Variants in ANO2 observed in about 807,000 individuals in gnomAD.
ANO2 encodes anoctamin 2.
In ANO2, 101 loss-of-function variants were observed where a neutral mutation model predicts 124.2. The ratio of observed to expected loss-of-function variants is 0.81; its 90% CI spans 0.69 to 0.96. The LOEUF (loss-of-function observed/expected upper bound fraction) is 0.96, where lower values mean the gene tolerates loss of function less well. Among genes scored for constraint, ANO2 ranks in the 40% least tolerant of loss-of-function variants. The probability of loss-of-function intolerance (pLI) is 0.00; values close to 1 mark genes in which losing one functional copy is unlikely to be tolerated. For synonymous variants in ANO2, 486 were observed against 482.5 expected (o/e 1.01, Z -0.09); for missense variants, 1,293 against 1,274.5 (o/e 1.01, Z -0.22).
intron 14 of ANO2, among the ~76,000 whole-genome samples, chr12:5,696,774 G>A (rs182047999): frequency 1.4e-3 from 208 of 152,216 alleles, no homozygotes; most frequent in Non-Finnish European, 2.5e-3. Flanking sequence ...AGTACATAAC[G>A]ACCAAGTTGG....
intron 12 of ANO2, chr12:5,740,157 C>T (rs1951040792): frequency 2.8e-6 from 1 of 352,214 alleles, no homozygotes; most frequent in East Asian, 7.6e-5. Flanking sequence ...TTTGTTATAC[C>T]AGGGCTGAAC....
At chr12:5,740,618 G>T (rs907968097) in intron 12 of ANO2, among the ~76,000 whole-genome samples, 1 of 152,132 alleles carries the variant, frequency 6.6e-6, no homozygotes, top group Non-Finnish European at 1.5e-5. Flanking sequence ...AGATGAAAAA[G>T]CTGTGGGCCT....
chr12:5,624,735 G>A (rs893107972), intron 16 of ANO2, among the ~76,000 whole-genome samples: 14 of 152,146 alleles, frequency 9.2e-5, no homozygotes, highest in Non-Finnish European at 7.4e-5. Context: ...AGTCTAGAAG[G>A]GTGAGGGCGA....
intron 14 of ANO2, among the ~76,000 whole-genome samples, chr12:5,671,518 T>A (rs1419554357): frequency 6.6e-6 from 1 of 151,454 alleles, no homozygotes; most frequent in East Asian, 1.9e-4. Context: ...GAGTGGCGTG[T>A]GTGTGTGAGT....
At chr12:5,582,709 G>T (rs1015431634) in intron 20 of ANO2, among the ~76,000 whole-genome samples, 2 of 152,144 alleles carry the variant, frequency 1.3e-5, no homozygotes, top group African/African-American at 4.8e-5. Context: ...GATCAACTCC[G>T]CCTGCCTTCC....
At chr12:5,831,063 G>A (rs986942014) in intron 5 of ANO2, among the ~76,000 whole-genome samples, 3 of 152,182 alleles carry the variant, frequency 2.0e-5, no homozygotes, top group Non-Finnish European at 4.4e-5. Flanking sequence ...GGCTGGGTCT[G>A]TTTTTAACTT....
intron 13 of ANO2, among the ~76,000 whole-genome samples, chr12:5,734,805 G>C (rs959774945): frequency 3.3e-5 from 5 of 152,004 alleles, no homozygotes; most frequent in African/African-American, 1.2e-4. Context: ...ATGCCACCAG[G>C]CCCAGCTGAT....
At chr12:5,878,207 G>A (rs1591730099) in intron 3 of ANO2, among the ~76,000 whole-genome samples, 1 of 152,230 alleles carries the variant, frequency 6.6e-6, no homozygotes, top group Admixed American at 6.5e-5. Context: ...ACCAGATTGT[G>A]CGTGATGTAT....
chr12:5,744,813 T>A (rs569985889), intron 11 of ANO2, among the ~76,000 whole-genome samples: 2 of 152,244 alleles, frequency 1.3e-5, no homozygotes, highest in African/African-American at 2.4e-5. Flanking sequence ...CTGTGCATGC[T>A]CTCACCTCCA....
At chr12:5,663,091 C>A (rs1947529325) in intron 14 of ANO2, among the ~76,000 whole-genome samples, 1 of 152,216 alleles carries the variant, frequency 6.6e-6, no homozygotes, top group Non-Finnish European at 1.5e-5. Context: ...TCCTGCGTGG[C>A]CTGCAGGCGA....
At chr12:5,830,078 A>C (rs780124584) in intron 6 of ANO2, among the ~76,000 whole-genome samples, 2 of 152,168 alleles carry the variant, frequency 1.3e-5, no homozygotes, top group African/African-American at 4.8e-5. Context: ...CGATCTATAT[A>C]ATTTTTTTTC....
At chr12:5,832,659 TGGCTTC>T in intron 4 of ANO2, 56 bp from the exon 5 acceptor site, 1 of 1,529,192 alleles carries the variant, frequency 6.5e-7, no homozygotes, top group Non-Finnish European at 8.8e-7. Context: ...CAGAGAGGAA[TGGCTTC>T]ACAAAAAAAA....
At chr12:5,666,084 C>T (rs892400769) in intron 14 of ANO2, among the ~76,000 whole-genome samples, 2 of 152,076 alleles carry the variant, frequency 1.3e-5, no homozygotes, top group Admixed American at 1.3e-4. Context: ...CCAGGGCCCT[C>T]TGGAATCCTG....
chr12:5,924,421 TG>T (rs1184998772), intron 1 of ANO2, among the ~76,000 whole-genome samples: 1 of 152,194 alleles, frequency 6.6e-6, no homozygotes, highest in Non-Finnish European at 1.5e-5. Context: ...AGTCGGCTTC[TG>T]GGGTAACTGA....
intron 3 of ANO2, among the ~76,000 whole-genome samples, chr12:5,871,210 C>A (rs937961891): frequency 2.6e-5 from 4 of 151,774 alleles, no homozygotes; most frequent in Non-Finnish European, 5.9e-5. Context: ...ATGGAATCTA[C>A]AAAAGTCATC....
intron 14 of ANO2, among the ~76,000 whole-genome samples, chr12:5,666,772 C>A (rs112293057): frequency 1.0e-4 from 15 of 146,538 alleles, no homozygotes; most frequent in South Asian, 7.3e-4. Context: ...CTGGCCCCCC[C>A]ACCCACCCCA....
chr12:5,878,356 C>T (rs1179467326), intron 3 of ANO2, among the ~76,000 whole-genome samples: 5 of 152,236 alleles, frequency 3.3e-5, no homozygotes, highest in African/African-American at 1.2e-4. Flanking sequence ...GAGATTCATG[C>T]TCAGGTCTAT....
intron 14 of ANO2, among the ~76,000 whole-genome samples, chr12:5,690,459 C>T (rs535666516): frequency 2.6e-4 from 39 of 152,338 alleles, no homozygotes; most frequent in Non-Finnish European, 4.6e-4. Flanking sequence ...TTCACGTTAA[C>T]ACAACTTGGC....
intron 4 of ANO2, among the ~76,000 whole-genome samples, chr12:5,840,330 T>C (rs565579693): frequency 2.0e-4 from 30 of 152,332 alleles, no homozygotes; most frequent in African/African-American, 7.2e-4. Context: ...TGTCTTTTCT[T>C]ACTTCTTTTT....
Sources: gnomAD v4.1 joint callset for allele counts (sites outside exome capture counted in the v4.1 genomes callset) on GRCh38, gnomAD v4.1.1 for gene constraint, MANE v1.5 for transcripts, NCBI Gene and HGNC (gene_info 2026-07-23, HGNC 2026-07-21) for gene names.